Variants in FAM168B observed in about 807,000 individuals in gnomAD.
FAM168B encodes the protein myelin-associated neurite-outgrowth inhibitor.
Under a neutral mutation model 21.8 loss-of-function variants are expected in FAM168B, and 19 were observed. The observed-to-expected ratio is 0.87, with a 90% CI of 0.61 to 1.28. The LOEUF is 1.28. Among genes scored for constraint, FAM168B ranks in the 50% most tolerant of loss-of-function variants. The pLI, the probability that FAM168B is intolerant of heterozygous loss-of-function variation, is 0.00. For missense variants in FAM168B, 233 were observed against 263.1 expected, an observed-to-expected ratio of 0.89 and a Z score of 0.79; for synonymous variants, 126 against 104.8, an observed-to-expected ratio of 1.20 and a Z score of -1.24.
intron 1 of FAM168B, among the ~76,000 whole-genome samples, chr2:131,089,705 G>A (rs1255946519): frequency 1.5e-4 from 20 of 137,372 alleles, no homozygotes; most frequent in Middle Eastern, 5.4e-3. Flanking sequence ...GCAACAGAGC[G>A]AGACTCCATC....
Position 131,049,139 on chromosome 2 carries a change from C to T in FAM168B, c.*3326G>A, listed in dbSNP as rs929817540. The stretch of plus-strand genomic sequence containing the variant: ...CCAACACTGACAGGTATTAGTACGT[C>T]GCAAGTTGCTGTAATAATGTATTTC... On this transcript the variant is annotated 3_prime_UTR_variant, in exon 7 of 7. Coordinates refer to ENST00000389915, the MANE Select transcript of FAM168B (RefSeq NM_001009993.4). 42 of 985,302 alleles carry T rather than the reference C, an allele frequency of 4.3e-5. No homozygotes were observed. Among genetic ancestry groups the T allele is most frequent in the African/African-American group, 7.0e-5 (4 of 57,218 alleles). The allele number at this position is 985,302 out of a possible 1,614,324, so 61.0% of individuals were successfully genotyped here. A position where few individuals can be genotyped will look rare whatever the true frequency, so the allele number is the denominator to read the frequency against.
rs115006036 is a variant in FAM168B, at chr2:131,077,981, A to G, written c.70+4596T>C. On this transcript the variant is annotated intron_variant, in intron 2 of 6. Transcript: ENST00000389915. ...AATAAGGGCAGAACAAAGGGAGACC[A>G]AGCCTTGCCAAAACTGAAATGCATC... is the stretch of plus-strand genomic sequence containing the variant. 7.0e-3 allele frequency among the ~76,000 whole-genome samples: 1,067 copies of G among 152,312 alleles called. 11 individuals carry two copies. Among genetic ancestry groups the G allele is most frequent in the African/African-American group, 0.024 (988 of 41,560 alleles).
chr2:131,084,143 G>A (rs139703739), intron 1 of FAM168B, among the ~76,000 whole-genome samples: 4,098 of 151,276 alleles, frequency 0.027, 87 homozygotes, highest in Non-Finnish European at 0.043. Flanking sequence ...CTCGTGATCC[G>A]CCCACCTCAG....
chr2:131,065,511 G>A lies in FAM168B; in HGVS notation c.154+6344C>T, dbSNP rs182197158. The stretch of plus-strand genomic sequence containing the variant: ...TGAGTTCAAAAAGAAAAGAAACGCC[G>A]GGCATGGGGGCTCATGTCTGTAATC... On this transcript the variant is annotated intron_variant, in intron 3 of 6. Coordinates refer to ENST00000389915, the MANE Select transcript of FAM168B (RefSeq NM_001009993.4). 3.2e-3 allele frequency among the ~76,000 whole-genome samples: 480 copies of A among 152,192 alleles called. 9 individuals are homozygous for A. The highest frequency in any genetic ancestry group is 0.024 in the Admixed American group (366 of 15,288).
In FAM168B at chr2:131,050,635, T is replaced by A. The variant is rs1020822096; in HGVS notation, c.*1830A>T. 3.0e-6 allele frequency: 3 copies of A among 985,200 alleles called. No individual in the cohort carries two copies. The highest frequency in any genetic ancestry group is 3.6e-6 in the Non-Finnish European group (3 of 829,632). The allele number at this position is 985,200 out of a possible 1,614,324, so 61.0% of individuals were successfully genotyped here. A position where few individuals can be genotyped will look rare whatever the true frequency, so the allele number is the denominator to read the frequency against. ...ATCCATGCAAAAATATTCCTAAACT[T>A]CTTATAAAATAAGATGTGAAAAAGA... On this transcript the variant is annotated 3_prime_UTR_variant, in exon 7 of 7. Transcript: ENST00000389915.
intron 2 of FAM168B, among the ~76,000 whole-genome samples, chr2:131,077,475 C>A (rs561803619): frequency 6.6e-6 from 1 of 152,212 alleles, no homozygotes; most frequent in African/African-American, 2.4e-5. Context: ...CAGTCTGAGG[C>A]TCTCCCTAAT....
intron 1 of FAM168B, among the ~76,000 whole-genome samples, chr2:131,084,569 G>A (rs577247974): frequency 6.6e-6 from 1 of 151,922 alleles, no homozygotes; most frequent in Non-Finnish European, 1.5e-5. Context: ...TTACAGCCCA[G>A]CACCTCTATG....
At chr2:131,058,585 G>T (rs147719539) in intron 3 of FAM168B, among the ~76,000 whole-genome samples, 1 of 152,120 alleles carries the variant, frequency 6.6e-6, no homozygotes, top group Admixed American at 6.6e-5. Context: ...TTCGCTCACC[G>T]CTATGTTAAC....
At chr2:131,080,746 T>A (rs901377685) in intron 2 of FAM168B, among the ~76,000 whole-genome samples, 2 of 151,572 alleles carry the variant, frequency 1.3e-5, no homozygotes, top group African/African-American at 2.4e-5. Flanking sequence ...CTCAGCTCAC[T>A]GCAAGCTCCA....
chr2:131,058,779 G>C (rs1252491291), intron 3 of FAM168B, among the ~76,000 whole-genome samples: 2 of 152,108 alleles, frequency 1.3e-5, no homozygotes, highest in African/African-American at 4.8e-5. Context: ...GCTAAAAAAG[G>C]AAAGTGAAAA....
intron 2 of FAM168B, among the ~76,000 whole-genome samples, chr2:131,075,274 T>TA (rs754981419): frequency 3.2e-4 from 46 of 141,858 alleles, no homozygotes; most frequent in African/African-American, 7.7e-4. Context: ...TTTCCTTCTT[T>TA]TAAAAAAAAA....
chr2:131,058,407 G>A (rs573661587), intron 3 of FAM168B, among the ~76,000 whole-genome samples: 4 of 152,280 alleles, frequency 2.6e-5, no homozygotes, highest in African/African-American at 9.6e-5. Context: ...ATCTGCAGCA[G>A]ACCAAACAAC....
chr2:131,049,683 G>A lies in FAM168B; in HGVS notation c.*2782C>T, dbSNP rs1053929582. On this transcript the variant is annotated 3_prime_UTR_variant, in exon 7 of 7. Transcript: ENST00000389915. ...GCCATCATGATGTCCATGTTTACAT[G>A]AACTAGGTCCTTTGCTTACCTGCTG... 5 of 985,696 alleles carry A rather than the reference G, an allele frequency of 5.1e-6. No individual in the cohort carries two copies. In the Admixed American group the frequency reaches 3.1e-4, roughly 61 times the overall value. The allele number at this position is 985,696 out of a possible 1,614,324, so 61.1% of individuals were successfully genotyped here.
intron 2 of FAM168B, among the ~76,000 whole-genome samples, chr2:131,076,652 TAAAAAAA>T (rs76726482): frequency 6.2e-5 from 6 of 96,338 alleles, no homozygotes; most frequent in Non-Finnish European, 1.1e-4. Flanking sequence ...GACTCCGTCT[TAAAAAAA>T]AAAAAAAAAA....
At chr2:131,074,362 C>T (rs1343289043) in intron 2 of FAM168B, among the ~76,000 whole-genome samples, 1 of 152,142 alleles carries the variant, frequency 6.6e-6, no homozygotes, top group African/African-American at 2.4e-5. Flanking sequence ...CTCCTGACCT[C>T]ATAATCCGCC....
intron 3 of FAM168B, among the ~76,000 whole-genome samples, chr2:131,059,789 T>C (rs1200676138): frequency 6.6e-6 from 1 of 152,194 alleles, no homozygotes; most frequent in Admixed American, 6.5e-5. Flanking sequence ...TCAGTAGTGA[T>C]AAAAAAAATT....
rs557297585 is a variant in FAM168B at position 131,050,503 on chromosome 2, CAT to C, written c.*1960_*1961del. The C allele has an allele frequency of 4.0e-4, 395 of 985,810 alleles. No homozygotes were observed. The highest frequency in any genetic ancestry group is 9.4e-4 in the South Asian group (20 of 21,276). 61.1% of individuals were successfully genotyped at this position (985,810 alleles called of 1,614,324 possible). A position where few individuals can be genotyped will look rare whatever the true frequency, so the allele number is the denominator to read the frequency against. ...CCTGCGGTAAATGTCTGCCCCCACA[CAT>C]AGACACTAAGATGGATTAAGTGCTC... On this transcript the variant is annotated 3_prime_UTR_variant, in exon 7 of 7. Transcript: ENST00000389915.
At chr2:131,077,467 G>T (rs978749896) in intron 2 of FAM168B, among the ~76,000 whole-genome samples, 1 of 152,224 alleles carries the variant, frequency 6.6e-6, no homozygotes, top group South Asian at 2.1e-4. Context: ...GTGCCTCACA[G>T]TCTGAGGCTC....
chr2:131,066,168 T>TC (rs1692547283), intron 3 of FAM168B, among the ~76,000 whole-genome samples: 1 of 151,430 alleles, frequency 6.6e-6, no homozygotes, highest in Non-Finnish European at 1.5e-5. Context: ...TATCTTTTTT[T>TC]TTTTTTTTTT....
Sources: gnomAD v4.1 joint callset for allele counts (sites outside exome capture counted in the v4.1 genomes callset) on GRCh38, gnomAD v4.1.1 for gene constraint, MANE v1.5 for transcripts, NCBI Gene and HGNC (gene_info 2026-07-23, HGNC 2026-07-21) for gene names.